SATL1: variants seen among roughly 807,000 people sequenced by gnomAD.
SATL1 encodes spermidine/spermine N1-acetyl transferase like 1.
A neutral mutation model predicts 51.8 loss-of-function variants in SATL1; 47 were observed. The observed-to-expected ratio is 0.91, with a 90% CI of 0.72 to 1.16. SATL1 has a LOEUF of 1.16. Ranked by LOEUF, SATL1 falls within the 50% of genes most tolerant of loss-of-function variation. The pLI is 0.00. For missense variants in SATL1, 520 were observed against 526.4 expected (o/e 0.99, Z 0.12); for synonymous variants, 176 against 182.4 (o/e 0.97, Z 0.28).
At chrX:85,219,274 C>T (rs1928121913) in intron 2 of SATL1, 1 of 112,316 alleles carries the variant, frequency 8.9e-6, no homozygotes. Flanking sequence ...TAATAAAACA[C>T]TGTGAGTATG....
intron 2 of SATL1, among the ~76,000 whole-genome samples, chrX:85,185,994 G>T (rs1927308006): frequency 9.0e-6 from 1 of 110,727 alleles, no homozygotes; most frequent in Non-Finnish European, 1.9e-5. Context: ...GTACCACCTG[G>T]TTACCACTGC....
chrX:85,168,234 T>G (rs1348946242), intron 2 of SATL1, among the ~76,000 whole-genome samples: 1 of 111,064 alleles, frequency 9.0e-6, no homozygotes, highest in Non-Finnish European at 1.9e-5. Flanking sequence ...AAGGATGCCC[T>G]CTCTCACCAC....
intron 4 of SATL1, among the ~76,000 whole-genome samples, chrX:85,098,114 T>C: frequency 9.0e-6 from 1 of 111,665 alleles, no homozygotes; most frequent in Non-Finnish European, 1.9e-5. Flanking sequence ...GTCACAAATA[T>C]GTTGAAAATG....
chrX:85,138,799 A>AT (rs1926031728), intron 2 of SATL1, among the ~76,000 whole-genome samples: 1 of 110,964 alleles, frequency 9.0e-6, no homozygotes, highest in Non-Finnish European at 1.9e-5. Flanking sequence ...TGGGGCAAAT[A>AT]TTTTTTGTTT....
chrX:85,241,774 C>A (rs2147770037), intron 1 of SATL1, among the ~76,000 whole-genome samples: 1 of 111,916 alleles, frequency 8.9e-6, no homozygotes, highest in South Asian at 3.7e-4. Context: ...CAAGTGAATT[C>A]AGTGATGATG....
intron 2 of SATL1, among the ~76,000 whole-genome samples, chrX:85,187,872 T>C (rs1602898775): frequency 9.0e-6 from 1 of 111,334 alleles, no homozygotes; most frequent in East Asian, 2.8e-4. Context: ...TTTTAAAAAA[T>C]GTTTGGGGAA....
intron 2 of SATL1, among the ~76,000 whole-genome samples, chrX:85,184,049 T>C (rs957765260): frequency 2.7e-5 from 3 of 111,941 alleles, no homozygotes; most frequent in Non-Finnish European, 3.8e-5. Flanking sequence ...GAAGTTTGTC[T>C]TTCTGTTCCT....
chrX:85,096,247 C>T (rs1602823072), intron 4 of SATL1, among the ~76,000 whole-genome samples: 1 of 109,753 alleles, frequency 9.1e-6, no homozygotes. Flanking sequence ...CTTAAAAGTT[C>T]AATAACTGAA....
At chrX:85,170,893 A>C (rs1243661868) in intron 2 of SATL1, among the ~76,000 whole-genome samples, 5 of 111,648 alleles carry the variant, frequency 4.5e-5, no homozygotes, top group Non-Finnish European at 9.5e-5. Flanking sequence ...TGGGACATAC[A>C]ACAGAAATTA....
At chrX:85,210,392 A>C (rs1927888496) in intron 2 of SATL1, 1 of 70,903 alleles carries the variant, frequency 1.4e-5, no homozygotes, top group Non-Finnish European at 2.5e-5. Context: ...TTCGGTCCAA[A>C]CTGGTAAAAA....
At chrX:85,173,294 C>A (rs981568284) in intron 2 of SATL1, among the ~76,000 whole-genome samples, 1 of 110,786 alleles carries the variant, frequency 9.0e-6, no homozygotes, top group African/African-American at 3.3e-5. Context: ...TTGCATTATA[C>A]TAAAGGCATT....
intron 2 of SATL1, among the ~76,000 whole-genome samples, chrX:85,212,382 A>C (rs1927946675): frequency 8.9e-6 from 1 of 111,950 alleles, no homozygotes. Flanking sequence ...CATTTATTTA[A>C]GTATCATAGT....
chrX:85,233,852 A>C (rs1334610031), intron 1 of SATL1, among the ~76,000 whole-genome samples: 1 of 111,788 alleles, frequency 8.9e-6, no homozygotes, highest in East Asian at 2.8e-4. Flanking sequence ...GGAGGCAGAA[A>C]GATAGAGATC....
At chrX:85,123,808 G>A (rs1486968728) in intron 2 of SATL1, among the ~76,000 whole-genome samples, 2 of 111,375 alleles carry the variant, frequency 1.8e-5, no homozygotes, top group African/African-American at 3.3e-5. Context: ...CCCTGTCATA[G>A]TAATTGCCAA....
At chrX:85,100,231 C>A (rs1400247132) in intron 4 of SATL1, among the ~76,000 whole-genome samples, 1 of 106,721 alleles carries the variant, frequency 9.4e-6, no homozygotes, top group Non-Finnish European at 2.0e-5. Flanking sequence ...CAAAAAAAAT[C>A]CATAGTAGAA....
rs77089312 is a variant in SATL1, at chrX:85,176,243, G to A, written c.-313+47962C>T. Reference sequence around the variant, plus strand: ...TTGTCTACCATTTTGGTAAAGATATGAAAGCGTGATAATATATTCTATTGG... The same window carrying A: ...TTGTCTACCATTTTGGTAAAGATATAAAAGCGTGATAATATATTCTATTGG... On this transcript the variant is annotated intron_variant, in intron 2 of 7. Coordinates refer to ENST00000644105, the MANE Select transcript of SATL1 (RefSeq NM_001367857.2). Among the ~76,000 whole-genome samples the A allele has an allele frequency of 3.8e-4, 43 of 111,866 alleles. No homozygotes were observed. In the East Asian group the frequency reaches 0.012, roughly 32 times the overall value.
intron 2 of SATL1, among the ~76,000 whole-genome samples, chrX:85,205,649 A>T (rs1336131206): frequency 1.8e-5 from 2 of 112,316 alleles, no homozygotes; most frequent in African/African-American, 3.2e-5. Flanking sequence ...AAAGAAAGAA[A>T]TTCAACATGG....
intron 2 of SATL1, among the ~76,000 whole-genome samples, chrX:85,193,756 G>A (rs933194582): frequency 2.7e-5 from 3 of 111,903 alleles, no homozygotes; most frequent in Admixed American, 9.5e-5. Flanking sequence ...CCACTTATAA[G>A]TGAGAACATC....
intron 2 of SATL1, among the ~76,000 whole-genome samples, chrX:85,151,630 T>G (rs977566425): frequency 1.8e-5 from 2 of 110,567 alleles, no homozygotes; most frequent in African/African-American, 6.6e-5. Context: ...TATAGACCAA[T>G]GGAACAGAAC....
Sources: allele counts gnomAD v4.1 joint callset (sites outside exome capture counted in the v4.1 genomes callset), GRCh38; gene constraint gnomAD v4.1.1; transcripts MANE v1.5; gene names NCBI Gene and HGNC (gene_info 2026-07-23, HGNC 2026-07-21).